Variants in PIK3C2G observed in about 807,000 individuals in gnomAD.
PIK3C2G encodes the protein phosphatidylinositol-4-phosphate 3-kinase catalytic subunit type 2 gamma, also known as phosphatidylinositol 3-kinase C2 domain-containing subunit gamma.
Under a neutral mutation model 181.1 loss-of-function variants are expected in PIK3C2G, and 168 were observed. The observed-to-expected ratio is 0.93, with a 90% CI of 0.82 to 1.05. The LOEUF is 1.05. PIK3C2G is among the 50% of genes least tolerant of loss of function. PIK3C2G has a pLI of 0.00. For synonymous variants in PIK3C2G, 573 were observed against 592.2 expected, an observed-to-expected ratio of 0.97 and a Z score of 0.47; for missense variants, 1,869 against 1,732.8, an observed-to-expected ratio of 1.08 and a Z score of -1.40.
At chr12:18,375,313 T>G (rs1942359342) in intron 13 of PIK3C2G, among the ~76,000 whole-genome samples, 1 of 152,222 alleles carries the variant, frequency 6.6e-6, no homozygotes, top group African/African-American at 2.4e-5. Context: ...TTGTTATGCC[T>G]TAGCAAAGAA....
At chr12:18,254,774 C>T (rs1451628348) in intron 1 of PIK3C2G, among the ~76,000 whole-genome samples, 1 of 151,906 alleles carries the variant, frequency 6.6e-6, no homozygotes, top group Admixed American at 6.6e-5. Context: ...ATTGCTTGAA[C>T]CCGGGAGGCA....
At chr12:18,634,124 T>C (rs1453957480) in intron 31 of PIK3C2G, among the ~76,000 whole-genome samples, 2 of 152,170 alleles carry the variant, frequency 1.3e-5, no homozygotes, top group African/African-American at 4.8e-5. Flanking sequence ...GGCCATTTCA[T>C]CGTTCTGTAG....
At chr12:18,477,641 A>T (rs895753815) in intron 18 of PIK3C2G, among the ~76,000 whole-genome samples, 3 of 152,212 alleles carry the variant, frequency 2.0e-5, no homozygotes, top group African/African-American at 7.2e-5. Context: ...TTCTTTTATG[A>T]CAACGAACGA....
chr12:18,563,615 C>A, intron 28 of PIK3C2G, 117 bp downstream of exon 28: 1 of 861,598 alleles, frequency 1.2e-6, no homozygotes, highest in Non-Finnish European at 1.8e-6. Flanking sequence ...ACTCCAATGC[C>A]ATTGAATCTA....
intron 15 of PIK3C2G, among the ~76,000 whole-genome samples, chr12:18,396,389 A>T (rs1943894623): frequency 6.6e-6 from 1 of 151,716 alleles, no homozygotes; most frequent in South Asian, 2.1e-4. Context: ...ATCTATGAAA[A>T]GTTTATAGTT....
intron 1 of PIK3C2G, among the ~76,000 whole-genome samples, chr12:18,274,638 C>T (rs183036061): frequency 1.3e-3 from 192 of 152,124 alleles, no homozygotes; most frequent in African/African-American, 4.3e-3. Flanking sequence ...GAACATCACA[C>T]CCCAGGGACT....
intron 18 of PIK3C2G, among the ~76,000 whole-genome samples, chr12:18,469,368 C>A (rs540458599): frequency 7.2e-5 from 11 of 152,054 alleles, no homozygotes; most frequent in Non-Finnish European, 1.3e-4. Context: ...AGGAAAGAAA[C>A]GAGTGAACCC....
At chr12:18,252,592 G>A (rs759404278) in intron 1 of PIK3C2G, among the ~76,000 whole-genome samples, 12 of 152,166 alleles carry the variant, frequency 7.9e-5, no homozygotes, top group East Asian at 1.9e-4. Flanking sequence ...GTGGCTAGTC[G>A]TGCAGGAATG....
At chr12:18,276,369 G>T (rs1948986983) in intron 1 of PIK3C2G, among the ~76,000 whole-genome samples, 2 of 152,134 alleles carry the variant, frequency 1.3e-5, no homozygotes, top group South Asian at 4.1e-4. Context: ...ACACTCAGAG[G>T]CATTGAATGA....
the PIK3C2G span, among the ~76,000 whole-genome samples, chr12:18,691,446 T>C: frequency 6.6e-6 from 1 of 152,138 alleles, no homozygotes; most frequent in Admixed American, 6.5e-5. Flanking sequence ...AATGTTTATG[T>C]AACAGAATCC....
Position 18,349,502 on chromosome 12 carries a change from C to T in PIK3C2G, c.1625+2666C>T, listed in dbSNP as rs187884085. On this transcript the variant is annotated intron_variant, in intron 11 of 32. Transcript: ENST00000538779. Reference sequence around the variant, plus strand: ...ACTCCACAGATGCCTTCAGGGAACACCCCACTCAAGCTATCAAAGACAAAT... The same window carrying T: ...ACTCCACAGATGCCTTCAGGGAACATCCCACTCAAGCTATCAAAGACAAAT... Among the ~76,000 whole-genome samples, 556 of 152,198 alleles carry T rather than the reference C, an allele frequency of 3.7e-3. 5 individuals carry two copies. The highest frequency in any genetic ancestry group is 6.8e-3 in the Middle Eastern group (2 of 294).
intron 31 of PIK3C2G, among the ~76,000 whole-genome samples, chr12:18,625,440 A>G (rs955763714): frequency 6.6e-6 from 1 of 151,776 alleles, no homozygotes; most frequent in Non-Finnish European, 1.5e-5. Flanking sequence ...ACGGCCTAAC[A>G]TATGATCTGT....
At position 18,364,713 on chromosome 12, in the gene PIK3C2G, C is replaced by T. The variant is rs541646467; in HGVS notation, c.1748+1827C>T. Among the ~76,000 whole-genome samples the T allele has an allele frequency of 7.2e-5, 11 of 152,126 alleles. No homozygotes were observed. In the East Asian group the frequency reaches 1.9e-3, roughly 27 times the overall value. ...AGAAGTTTGAGACCAGCCTGGCCAA[C>T]ATGGTGAAACTTTGTCTCTACTAAA... On this transcript the variant is annotated intron_variant, in intron 12 of 32. Coordinates refer to ENST00000538779, the MANE Select transcript of PIK3C2G (RefSeq NM_001288772.2).
At chr12:18,431,037 G>C (rs1008354475) in intron 18 of PIK3C2G, among the ~76,000 whole-genome samples, 1 of 151,876 alleles carries the variant, frequency 6.6e-6, no homozygotes, top group African/African-American at 2.4e-5. Flanking sequence ...AAAGCAAAAA[G>C]ATGTGGAAAT....
At chr12:18,701,387 A>G in the PIK3C2G span, 1 of 1,540,250 alleles carries the variant, frequency 6.5e-7, no homozygotes, top group South Asian at 1.2e-5. Context: ...ATGATAGACT[A>G]GAGTTTTTAT....
intron 11 of PIK3C2G, chr12:18,358,808 T>C: frequency 3.5e-6 from 1 of 281,904 alleles, no homozygotes; most frequent in South Asian, 3.8e-5. Context: ...ATCTGTGTAG[T>C]CAAATATACC....
the PIK3C2G span, among the ~76,000 whole-genome samples, chr12:18,662,222 C>A: frequency 6.6e-6 from 1 of 152,080 alleles, no homozygotes; most frequent in Admixed American, 6.6e-5. Flanking sequence ...CTATGCTCAT[C>A]ACCTGGCTGA....
rs777711690 is a variant in PIK3C2G at position 18,497,656 on chromosome 12, A to G, written c.2924A>G (p.Gln975Arg). The G allele has an allele frequency of 6.2e-7, 1 of 1,612,890 alleles. No homozygotes were observed. Among genetic ancestry groups the G allele is most frequent in the South Asian group, 1.1e-5 (1 of 91,044 alleles). The change falls in exon 22 of 33, where the codon CAG becomes CGG. Residue 975 changes from glutamine (Q) to arginine (R), a missense_variant. Transcript: ENST00000538779. ...DDLRQDMLVL[Q>R]LIQVMDNIWL... Reference sequence around the variant, plus strand: ...CTTCGTCAGGATATGCTTGTTCTGCAGCTTATTCAAGTGATGGACAATATT... The same window carrying G: ...CTTCGTCAGGATATGCTTGTTCTGCGGCTTATTCAAGTGATGGACAATATT...
rs184657062 is a variant in PIK3C2G, at chr12:18,485,263, G to T, written c.2505-3186G>T. Among the ~76,000 whole-genome samples, 160 of 152,214 alleles carry T rather than the reference G, an allele frequency of 1.1e-3. 1 individual carries two copies. The highest frequency in any genetic ancestry group is 3.7e-3 in the African/African-American group (152 of 41,542). On this transcript the variant is annotated intron_variant, in intron 18 of 32. Coordinates refer to ENST00000538779, the MANE Select transcript of PIK3C2G (RefSeq NM_001288772.2). ...TATGAACTATCTGTACTTTTCCTGT[G>T]GCTCTAGCAAGTCCCTCATCATGTG...
Sources: gnomAD v4.1 joint callset for allele counts (sites outside exome capture counted in the v4.1 genomes callset) on GRCh38, gnomAD v4.1.1 for gene constraint, MANE v1.5 for transcripts, NCBI Gene and HGNC (gene_info 2026-07-23, HGNC 2026-07-21) for gene names.